The following ZNF721 variants were observed in gnomAD, a reference collection of about 807,000 sequenced individuals.
ZNF721 encodes the protein zinc finger protein 721.
ZNF721 carries 2 observed loss-of-function variants against 2.4 expected under a neutral mutation model. The ratio of observed to expected loss-of-function variants is 0.82; its 90% confidence interval spans 0.34 to 2.58. The LOEUF (loss-of-function observed/expected upper bound fraction) is 2.58, where lower values mean the gene tolerates loss of function less well. ZNF721 is among the 30% of genes most tolerant of loss of function. The probability of loss-of-function intolerance (pLI) is 0.11; values close to 1 mark genes in which losing one functional copy is unlikely to be tolerated. For synonymous variants in ZNF721, 398 were observed against 381.8 expected, an observed-to-expected ratio of 1.04 and a Z score of -0.50; for missense variants, 1,187 against 1,085.5, an observed-to-expected ratio of 1.09 and a Z score of -1.31.
At chr4:468,051 G>A (rs11722124) in intron 2 of ZNF721, among the ~76,000 whole-genome samples, 26,254 of 152,008 alleles carry the variant, frequency 0.17, 2,826 homozygotes, top group Non-Finnish European at 0.23. Context: ...AGGCCGAGGC[G>A]GGCGGATCAC....
At chr4:473,817 G>A (rs1553868140) in intron 1 of ZNF721, among the ~76,000 whole-genome samples, 1 of 152,226 alleles carries the variant, frequency 6.6e-6, no homozygotes, top group African/African-American at 2.4e-5. Context: ...AGCCTTGCGG[G>A]GACCCCGACA....
In ZNF721 at chr4:454,874, G is replaced by T. The variant is rs566035055; in HGVS notation, c.35-10442C>A. Among the ~76,000 whole-genome samples, 16 of 152,274 alleles carry T rather than the reference G, an allele frequency of 1.1e-4. No individual in the cohort carries two copies. In the East Asian group the frequency reaches 2.9e-3, roughly 28 times the overall value. On this transcript the variant is annotated intron_variant, in intron 2 of 2. Transcript: ENST00000511833. Reference sequence around the variant, plus strand: ...TAGTTATTGAAAACAATAGACAATTGCAAAAACAAGTTGATCTTTTTGTGT... The same window carrying T: ...TAGTTATTGAAAACAATAGACAATTTCAAAAACAAGTTGATCTTTTTGTGT...
intron 2 of ZNF721, among the ~76,000 whole-genome samples, chr4:447,793 G>C (rs192817810): frequency 6.6e-6 from 1 of 151,936 alleles, no homozygotes; most frequent in Admixed American, 6.6e-5. Context: ...TAAAAGTTCA[G>C]AAGAAAGGCC....
At chr4:497,976 G>A (rs2108729740) in intron 1 of ZNF721, among the ~76,000 whole-genome samples, 1 of 151,836 alleles carries the variant, frequency 6.6e-6, no homozygotes, top group East Asian at 1.9e-4. Context: ...GGAGGCCGAG[G>A]CGGGCGGATC....
rs565389407 is a variant in ZNF721, at chr4:464,194, G to A, written c.34+8381C>T. On this transcript the variant is annotated intron_variant, in intron 2 of 2. Coordinates refer to ENST00000511833, the MANE Select transcript of ZNF721 (RefSeq NM_133474.4). ...CAAACTTTAAAGTCATTTGAGGCTG[G>A]GTGCGGTTGCGCACACCTGTAATCC... Among the ~76,000 whole-genome samples the A allele has an allele frequency of 5.3e-5, 8 of 152,230 alleles. No homozygotes were observed. The East Asian group carries it at 1.5e-3, about 29-fold the overall frequency.
chr4:448,904 TACTC>T (rs1268034784), intron 2 of ZNF721, among the ~76,000 whole-genome samples: 3 of 152,124 alleles, frequency 2.0e-5, no homozygotes, highest in Non-Finnish European at 4.4e-5. Flanking sequence ...AATGAAATAT[TACTC>T]AGTTTGTAAA....
intron 1 of ZNF721, among the ~76,000 whole-genome samples, chr4:479,009 T>C (rs921350598): frequency 6.6e-6 from 1 of 152,134 alleles, no homozygotes; most frequent in African/African-American, 2.4e-5. Context: ...TAAGGTGATC[T>C]GCCCACCTCG....
At position 440,312 on chromosome 4, in the gene ZNF721, C is replaced by G. The variant is rs1184614629; in HGVS notation, c.*1383G>C. On this transcript the variant is annotated 3_prime_UTR_variant, in exon 3 of 3. Transcript: ENST00000511833. ...GGAGTTTCTCATATCTCTGACGCAG[C>G]AACAATTTATCACATGCTTTCACAT... 3.3e-5 allele frequency: 5 copies of G among 152,122 alleles called. No homozygotes were observed. The highest frequency in any genetic ancestry group is 5.9e-5 in the Non-Finnish European group (4 of 68,032). The allele number at this position is 152,122 out of a possible 1,614,324, so 9.4% of individuals were successfully genotyped here. A position where few individuals can be genotyped will look rare whatever the true frequency, so the allele number is the denominator to read the frequency against.
chr4:499,011 A>C (rs1716515992), intron 1 of ZNF721, 45 bp downstream of exon 1: 1 of 377,552 alleles, frequency 2.6e-6, no homozygotes, highest in Non-Finnish European at 4.8e-6. Flanking sequence ...GGCGTGAGCC[A>C]CTGCACCCTG....
chr4:455,322 CT>C (rs1273683359), intron 2 of ZNF721, among the ~76,000 whole-genome samples: 3 of 152,188 alleles, frequency 2.0e-5, no homozygotes, highest in Admixed American at 6.5e-5. Flanking sequence ...AATCCTAGCA[CT>C]TTGGGAGGCC....
At chr4:452,164 T>C (rs1331602557) in intron 2 of ZNF721, among the ~76,000 whole-genome samples, 2 of 152,208 alleles carry the variant, frequency 1.3e-5, no homozygotes, top group African/African-American at 4.8e-5. Context: ...TATCAGCCTA[T>C]TGCTGAAAAA....
intron 2 of ZNF721, among the ~76,000 whole-genome samples, chr4:450,911 T>G (rs1714628186): frequency 8.3e-6 from 1 of 119,978 alleles, no homozygotes; most frequent in Non-Finnish European, 1.6e-5. Context: ...AACTCCAGCC[T>G]GGGCGACAGA....
chr4:490,002 G>A (rs1576973704), intron 1 of ZNF721, among the ~76,000 whole-genome samples: 1 of 151,886 alleles, frequency 6.6e-6, no homozygotes, highest in East Asian at 2.0e-4. Context: ...TGGGACTACA[G>A]GCACATGCCA....
At chr4:495,609 CTT>C (rs201123776) in intron 1 of ZNF721, among the ~76,000 whole-genome samples, 1 of 148,844 alleles carries the variant, frequency 6.7e-6, no homozygotes, top group Non-Finnish European at 1.5e-5. Context: ...GCCATTTCTT[CTT>C]TTTTTTTTGA....
In ZNF721 at chr4:492,036, G is replaced by A. The variant is rs112338525; in HGVS notation, c.-94+7020C>T. Among the ~76,000 whole-genome samples the A allele has an allele frequency of 7.9e-5, 12 of 151,714 alleles. 1 individual carries two copies. In the South Asian group the frequency reaches 1.0e-3, roughly 13 times the overall value. ...AATTAGTCGGGCGTGGCCGGCGGGCGCCTGTAGTCCCAGCTACTCGGGAGG... is the reference window on the plus strand; with the variant it reads ...AATTAGTCGGGCGTGGCCGGCGGGCACCTGTAGTCCCAGCTACTCGGGAGG... On this transcript the variant is annotated intron_variant, in intron 1 of 2. Coordinates refer to ENST00000511833, the MANE Select transcript of ZNF721 (RefSeq NM_133474.4).
rs1553863506 is a variant in ZNF721 at position 442,947 on chromosome 4, C to G, written c.1520G>C (p.Gly507Ala). 1.1e-5 allele frequency: 17 copies of G among 1,613,724 alleles called. No individual in the cohort carries two copies. The highest frequency in any genetic ancestry group is 1.4e-5 in the Non-Finnish European group (17 of 1,179,870). The change falls in exon 3 of 3, where the codon GGT (glycine) becomes GCT (alanine). Residue 507 changes from glycine (G) to alanine (A), a missense_variant. Coordinates refer to ENST00000511833, the MANE Select transcript of ZNF721 (RefSeq NM_133474.4). ...GEKPFECLEC[G>A]KAFTSSTTLT... ...GGTTGTGGAACTAGTAAACGCTTTA[C>G]CACATTCTAAACATTCAAAGGGTTT... is the stretch of plus-strand genomic sequence containing the variant.
At chr4:454,472 C>T (rs1462414258) in intron 2 of ZNF721, among the ~76,000 whole-genome samples, 1 of 152,320 alleles carries the variant, frequency 6.6e-6, no homozygotes, top group East Asian at 1.9e-4. Context: ...ATGCTTACCG[C>T]AGCCCAAGGA....
At chr4:450,956 A>AAAAAAAAAAAAAAATAT (rs1714637638) in intron 2 of ZNF721, among the ~76,000 whole-genome samples, 1 of 63,774 alleles carries the variant, frequency 1.6e-5, no homozygotes. Context: ...AAAAAAAAAA[A>AAAAAAAAAAAAAAATAT]ATATATATAT....
intron 2 of ZNF721, among the ~76,000 whole-genome samples, chr4:456,804 G>A (rs898173761): frequency 3.9e-5 from 6 of 152,138 alleles, no homozygotes; most frequent in Non-Finnish European, 7.4e-5. Context: ...ACTTGAATCC[G>A]GGAGGCGGAG....
Sources: allele counts gnomAD v4.1 joint callset (sites outside exome capture counted in the v4.1 genomes callset), GRCh38; gene constraint gnomAD v4.1.1; transcripts MANE v1.5; gene names NCBI Gene and HGNC (gene_info 2026-07-23, HGNC 2026-07-21).